The following PRELID2 variants were observed in gnomAD, a reference collection of about 807,000 sequenced individuals.
PRELID2 encodes PRELI domain-containing protein 2.
Under a neutral mutation model 28.4 loss-of-function variants are expected in PRELID2, and 25 were observed. The observed-to-expected ratio is 0.88, with a 90% CI of 0.64 to 1.23. The LOEUF is 1.23. Ranked by LOEUF, PRELID2 falls within the 50% of genes most tolerant of loss-of-function variation. PRELID2 has a pLI of 0.00. For missense variants in PRELID2, 201 were observed against 214.4 expected (o/e 0.94, Z 0.39); for synonymous variants, 76 against 71.6 (o/e 1.06, Z -0.31).
the PRELID2 span, among the ~76,000 whole-genome samples, chr5:145,393,214 C>T: frequency 6.6e-6 from 1 of 152,238 alleles, no homozygotes; most frequent in African/African-American, 2.4e-5. Context: ...GGAGCAGGCA[C>T]ATAGCTGAGT....
the PRELID2 span, among the ~76,000 whole-genome samples, chr5:145,232,793 C>G: frequency 2.0e-5 from 3 of 152,008 alleles, no homozygotes; most frequent in South Asian, 2.1e-4. Flanking sequence ...TTCTGAATTT[C>G]TTAATCTACC....
intron 1 of PRELID2, among the ~76,000 whole-genome samples, chr5:145,612,812 G>A (rs1448091909): frequency 1.3e-5 from 2 of 152,178 alleles, no homozygotes; most frequent in African/African-American, 2.4e-5. Flanking sequence ...TGGCTGAGTA[G>A]TATTCAATCA....
the PRELID2 span, among the ~76,000 whole-genome samples, chr5:145,448,338 ATTTG>A: frequency 1.3e-5 from 2 of 151,754 alleles, no homozygotes; most frequent in Non-Finnish European, 2.9e-5. Flanking sequence ...TTTCTTGTAA[ATTTG>A]TTTGAGTTCA....
chr5:145,463,819 T>C, the PRELID2 span, among the ~76,000 whole-genome samples: 3 of 152,060 alleles, frequency 2.0e-5, no homozygotes, highest in Admixed American at 2.0e-4. Context: ...TACTGCCACA[T>C]GGCAGTAACT....
intron 1 of PRELID2, among the ~76,000 whole-genome samples, chr5:145,515,067 G>A (rs1752504445): frequency 6.6e-6 from 1 of 152,002 alleles, no homozygotes; most frequent in East Asian, 1.9e-4. Flanking sequence ...AAGACCTAAA[G>A]TCAACACTCT....
chr5:145,264,723 C>T, the PRELID2 span, among the ~76,000 whole-genome samples: 52 of 152,032 alleles, frequency 3.4e-4, 1 homozygote, highest in African/African-American at 1.2e-3. Context: ...CCTGTAATCC[C>T]TGCAATTTGG....
At chr5:145,512,541 T>C (rs1354337361) in intron 1 of PRELID2, among the ~76,000 whole-genome samples, 1 of 152,142 alleles carries the variant, frequency 6.6e-6, no homozygotes, top group African/African-American at 2.4e-5. Context: ...ACAAAGCACC[T>C]GGGGGAGGAG....
chr5:145,452,426 C>T, the PRELID2 span, among the ~76,000 whole-genome samples: 1 of 152,184 alleles, frequency 6.6e-6, no homozygotes, highest in East Asian at 1.9e-4. Flanking sequence ...GAACACTCTG[C>T]TCATCTCCAA....
the PRELID2 span, among the ~76,000 whole-genome samples, chr5:145,415,680 T>A: frequency 6.6e-6 from 1 of 151,126 alleles, no homozygotes; most frequent in South Asian, 2.1e-4. Flanking sequence ...CAGTCTATCA[T>A]TGTTGGACAT....
At chr5:145,712,008 C>A (rs1755708664) in intron 1 of PRELID2, among the ~76,000 whole-genome samples, 1 of 152,168 alleles carries the variant, frequency 6.6e-6, no homozygotes, top group Non-Finnish European at 1.5e-5. Flanking sequence ...AATCCCAAAC[C>A]CTACTGAAGG....
chr5:145,741,227 T>A (rs1395293813), intron 1 of PRELID2, among the ~76,000 whole-genome samples: 7 of 68,008 alleles, frequency 1.0e-4, no homozygotes, highest in African/African-American at 3.9e-4. Context: ...AATATATATA[T>A]AATATATAAT....
intron 1 of PRELID2, among the ~76,000 whole-genome samples, chr5:145,741,387 AT>A (rs1756733025): frequency 1.9e-5 from 2 of 107,514 alleles, no homozygotes; most frequent in Non-Finnish European, 3.3e-5. Context: ...TTATTTATAA[AT>A]TATTTATATA....
chr5:145,247,404 G>A, the PRELID2 span, among the ~76,000 whole-genome samples: 12,575 of 152,190 alleles, frequency 0.083, 1,129 homozygotes, highest in African/African-American at 0.23. Context: ...TGTCTAGGCA[G>A]CAGGCAAGGT....
the PRELID2 span, among the ~76,000 whole-genome samples, chr5:145,460,045 G>A: frequency 1.6e-4 from 25 of 151,970 alleles, no homozygotes; most frequent in African/African-American, 5.1e-4. Flanking sequence ...TCCTGACCTC[G>A]TGATCCTCCT....
intron 1 of PRELID2, among the ~76,000 whole-genome samples, chr5:145,498,971 A>T (rs936853624): frequency 5.3e-5 from 8 of 151,948 alleles, no homozygotes; most frequent in Non-Finnish European, 1.0e-4. Context: ...CTACTGAGTT[A>T]AAAAAAAGAC....
intron 1 of PRELID2, among the ~76,000 whole-genome samples, chr5:145,494,289 C>T (rs1453931056): frequency 6.6e-6 from 1 of 152,170 alleles, no homozygotes; most frequent in Non-Finnish European, 1.5e-5. Flanking sequence ...ATAAATATAA[C>T]TTTGACCAAA....
chr5:145,389,934 G>A, the PRELID2 span, among the ~76,000 whole-genome samples: 7 of 152,176 alleles, frequency 4.6e-5, no homozygotes, highest in African/African-American at 1.4e-4. Context: ...AATTGTGTGG[G>A]AAGAAGTTAT....
chr5:145,370,546 C>T, the PRELID2 span, among the ~76,000 whole-genome samples: 1 of 152,096 alleles, frequency 6.6e-6, no homozygotes, highest in Non-Finnish European at 1.5e-5. Flanking sequence ...AGTTTGAAGT[C>T]AGGTAGCATG....
intron 1 of PRELID2, among the ~76,000 whole-genome samples, chr5:145,528,357 AT>A (rs1752626097): frequency 6.6e-6 from 1 of 152,134 alleles, no homozygotes; most frequent in Admixed American, 6.6e-5. Flanking sequence ...CTCAGTAACT[AT>A]TTGTTGAATG....
Sources: allele counts gnomAD v4.1 joint callset (sites outside exome capture counted in the v4.1 genomes callset), GRCh38; gene constraint gnomAD v4.1.1; transcripts MANE v1.5; gene names NCBI Gene and HGNC (gene_info 2026-07-23, HGNC 2026-07-21).